MAGI2: variants seen among roughly 807,000 people sequenced by gnomAD.
The protein encoded by MAGI2 is membrane associated guanylate kinase, WW and PDZ domain containing 2.
A neutral mutation model predicts 133.3 loss-of-function variants in MAGI2; 35 were observed. The ratio of observed to expected loss-of-function variants is 0.26; its 90% CI spans 0.20 to 0.35. The LOEUF (loss-of-function observed/expected upper bound fraction) is 0.35. MAGI2 is among the 10% of genes least tolerant of loss of function. The pLI, the probability that MAGI2 is intolerant of heterozygous loss-of-function variation, is 1.00. For synonymous variants in MAGI2, 729 were observed against 710.6 expected, an observed-to-expected ratio of 1.03 and a Z score of -0.41; for missense variants, 1,636 against 1,863.4, an observed-to-expected ratio of 0.88 and a Z score of 2.25.
intron 1 of MAGI2, among the ~76,000 whole-genome samples, chr7:79,359,281 A>T (rs1381635546): frequency 2.0e-5 from 3 of 152,180 alleles, no homozygotes; most frequent in Non-Finnish European, 4.4e-5. Context: ...ACAGAATAAG[A>T]TAATTCATCC....
chr7:78,851,362 T>C (rs372109896), intron 2 of MAGI2, among the ~76,000 whole-genome samples: 41 of 152,040 alleles, frequency 2.7e-4, no homozygotes, highest in Admixed American at 1.2e-3. Flanking sequence ...TGGAGTGCTG[T>C]GAGGGGCACA....
At chr7:78,852,577 C>T (rs1385358640) in intron 2 of MAGI2, among the ~76,000 whole-genome samples, 3 of 152,086 alleles carry the variant, frequency 2.0e-5, no homozygotes, top group African/African-American at 7.2e-5. Context: ...GGGAGAGATT[C>T]AATTTTTTTC....
intron 2 of MAGI2, among the ~76,000 whole-genome samples, chr7:78,682,952 G>A (rs914638986): frequency 6.6e-6 from 1 of 152,156 alleles, no homozygotes; most frequent in African/African-American, 2.4e-5. Context: ...TCAACCACCT[G>A]AAATCTTTTG....
intron 1 of MAGI2, among the ~76,000 whole-genome samples, chr7:79,185,516 A>ATTTTTTT (rs71095383): frequency 7.9e-6 from 1 of 126,594 alleles, no homozygotes; most frequent in Non-Finnish European, 1.7e-5. Context: ...CAATTTGGTC[A>ATTTTTTT]TTTTTTTTTT....
At chr7:79,214,401 CTCTCTCTATATATA>C (rs1363338065) in intron 1 of MAGI2, among the ~76,000 whole-genome samples, 38 of 56,058 alleles carry the variant, frequency 6.8e-4, no homozygotes, top group Admixed American at 1.9e-3. Context: ...CTCTCTCTCT[CTCTCTCTATATATA>C]TATATATATA....
At chr7:78,583,879 A>C (rs896917897) in intron 3 of MAGI2, among the ~76,000 whole-genome samples, 14 of 152,214 alleles carry the variant, frequency 9.2e-5, no homozygotes, top group Middle Eastern at 3.2e-3. Flanking sequence ...TTGAGTCCTT[A>C]TAATGGAGAA....
intron 1 of MAGI2, among the ~76,000 whole-genome samples, chr7:79,390,360 A>T (rs951850461): frequency 6.6e-6 from 1 of 152,234 alleles, no homozygotes; most frequent in Admixed American, 6.5e-5. Context: ...CTCCATTTGG[A>T]AAGTTTTAGA....
chr7:78,103,465 T>G (rs1246536177), intron 20 of MAGI2, among the ~76,000 whole-genome samples: 1 of 152,244 alleles, frequency 6.6e-6, no homozygotes, highest in Non-Finnish European at 1.5e-5. Context: ...CTTGCAACAA[T>G]TTATTAATGC....
intron 2 of MAGI2, among the ~76,000 whole-genome samples, chr7:78,879,496 A>T (rs995454905): frequency 6.6e-6 from 1 of 152,078 alleles, no homozygotes; most frequent in Non-Finnish European, 1.5e-5. Context: ...ACCCTACCCA[A>T]CATTCTCTAC....
At chr7:78,114,882 G>A (rs1819705395) in intron 20 of MAGI2, among the ~76,000 whole-genome samples, 2 of 152,184 alleles carry the variant, frequency 1.3e-5, no homozygotes, top group Non-Finnish European at 2.9e-5. Flanking sequence ...GCGGGCACAC[G>A]GGAGGCACCC....
chr7:78,048,333 A>C (rs76013921), intron 21 of MAGI2, among the ~76,000 whole-genome samples: 14,752 of 152,198 alleles, frequency 0.097, 791 homozygotes, highest in African/African-American at 0.11. Flanking sequence ...TGACTCCCCT[A>C]GTACTGAGGT....
rs2150881988 is a variant in MAGI2 at position 78,602,379 on chromosome 7, C to T, written c.538+24741G>A. 2.6e-5 allele frequency among the ~76,000 whole-genome samples: 4 copies of T among 152,274 alleles called. No individual in the cohort carries two copies. The Middle Eastern group carries it at 0.01, about 388-fold the overall frequency. ...TTCACCACGTTGGCCAAGCTGGTCT[C>T]AAACTTCTGACCTCAGGTGATCCAC... On this transcript the variant is annotated intron_variant, in intron 3 of 21. Transcript: ENST00000354212.
chr7:78,151,191 C>T (rs952246322), intron 16 of MAGI2, among the ~76,000 whole-genome samples: 16 of 151,616 alleles, frequency 1.1e-4, no homozygotes, highest in African/African-American at 3.1e-4. Context: ...ACTGAAAAAG[C>T]GGAATTGAAT....
At chr7:79,168,950 T>A (rs1442580903) in intron 1 of MAGI2, among the ~76,000 whole-genome samples, 1 of 144,824 alleles carries the variant, frequency 6.9e-6, no homozygotes, top group Non-Finnish European at 1.5e-5. Flanking sequence ...TTTTTCCCTT[T>A]GCAACTTGTG....
At chr7:78,471,496 G>C (rs912113116) in intron 6 of MAGI2, among the ~76,000 whole-genome samples, 8 of 152,142 alleles carry the variant, frequency 5.3e-5, no homozygotes, top group Non-Finnish European at 1.2e-4. Flanking sequence ...ATGAAGTAGA[G>C]AGCAAGAATG....
At chr7:78,737,580 C>T (rs1383789748) in intron 2 of MAGI2, among the ~76,000 whole-genome samples, 3 of 152,028 alleles carry the variant, frequency 2.0e-5, no homozygotes, top group African/African-American at 4.8e-5. Context: ...TATACTTCAA[C>T]CAATATAACA....
At chr7:79,096,708 T>C (rs1360565913) in intron 1 of MAGI2, among the ~76,000 whole-genome samples, 1 of 152,182 alleles carries the variant, frequency 6.6e-6, no homozygotes, top group Non-Finnish European at 1.5e-5. Context: ...ATATGATTCA[T>C]CAAAATCATT....
intron 11 of MAGI2, among the ~76,000 whole-genome samples, chr7:78,197,141 T>C (rs1024765922): frequency 6.6e-6 from 1 of 152,240 alleles, no homozygotes; most frequent in South Asian, 2.1e-4. Flanking sequence ...GATCGCAAAA[T>C]TCATACAGAA....
At chr7:78,511,789 A>G (rs1209621437) in intron 4 of MAGI2, among the ~76,000 whole-genome samples, 2 of 151,168 alleles carry the variant, frequency 1.3e-5, no homozygotes, top group Admixed American at 6.6e-5. Context: ...AAAAAAATTC[A>G]TTATAATTAA....
Sources: allele counts gnomAD v4.1 joint callset (sites outside exome capture counted in the v4.1 genomes callset), GRCh38; gene constraint gnomAD v4.1.1; transcripts MANE v1.5; gene names NCBI Gene and HGNC (gene_info 2026-07-23, HGNC 2026-07-21).